Variants in EXT2 observed in about 807,000 individuals in gnomAD.
EXT2 encodes exostosin glycosyltransferase 2.
EXT2 carries 53 observed loss-of-function variants against 81.6 expected under a neutral mutation model. The observed-to-expected ratio is 0.65, with a 90% CI of 0.52 to 0.82. The LOEUF is 0.82. Ranked by LOEUF, EXT2 falls within the 40% of genes least tolerant of loss-of-function variation. The pLI is 0.00. For synonymous variants in EXT2, 320 were observed against 340.0 expected, an observed-to-expected ratio of 0.94 and a Z score of 0.65; for missense variants, 774 against 910.2, an observed-to-expected ratio of 0.85 and a Z score of 1.93.
chr11:44,145,188 C>G (rs1288284537), intron 7 of EXT2, among the ~76,000 whole-genome samples: 1 of 152,094 alleles, frequency 6.6e-6, no homozygotes, highest in Admixed American at 6.5e-5. Flanking sequence ...ATCCAGGGAG[C>G]TGTCGATATT....
At chr11:44,225,154 A>G (rs117256027) in intron 10 of EXT2, among the ~76,000 whole-genome samples, 193 of 152,256 alleles carry the variant, frequency 1.3e-3, no homozygotes, top group Admixed American at 2.0e-3. Context: ...TCCTCCTCCC[A>G]TCCCCTCAAA....
Position 44,229,391 on chromosome 11 carries a change from T to G in EXT2, c.1663-2962T>G, listed in dbSNP as rs188611993. Among the ~76,000 whole-genome samples the G allele has an allele frequency of 2.3e-3, 351 of 152,370 alleles. 1 individual carries two copies. Among genetic ancestry groups the G allele is most frequent in the African/African-American group, 8.1e-3 (336 of 41,588 alleles). Reference sequence around the variant, plus strand: ...TGGATTCATTTGTCTGCAGCTATTATGACGATGCCTGCGGTCGATTAGCTC... The same window carrying G: ...TGGATTCATTTGTCTGCAGCTATTAGGACGATGCCTGCGGTCGATTAGCTC... On this transcript the variant is annotated intron_variant, in intron 10 of 13. Coordinates refer to ENST00000533608, the MANE Select transcript of EXT2 (RefSeq NM_207122.2).
At chr11:44,214,298 T>C (rs1955690082) in intron 10 of EXT2, among the ~76,000 whole-genome samples, 1 of 152,062 alleles carries the variant, frequency 6.6e-6, no homozygotes, top group Non-Finnish European at 1.5e-5. Flanking sequence ...GTATTTTTAG[T>C]AGAGACGGGG....
chr11:44,203,470 C>A (rs1021137545), intron 9 of EXT2, among the ~76,000 whole-genome samples: 5 of 152,186 alleles, frequency 3.3e-5, no homozygotes, highest in African/African-American at 1.2e-4. Context: ...ACACAGAATT[C>A]AACAGAAATC....
intron 7 of EXT2, among the ~76,000 whole-genome samples, chr11:44,135,185 G>C (rs1210321964): frequency 1.3e-5 from 2 of 152,200 alleles, no homozygotes; most frequent in African/African-American, 2.4e-5. Context: ...ATACACCGAA[G>C]TTCCTGTACT....
At chr11:44,209,452 T>C (rs1955621995) in intron 10 of EXT2, among the ~76,000 whole-genome samples, 1 of 152,252 alleles carries the variant, frequency 6.6e-6, no homozygotes, top group African/African-American at 2.4e-5. Flanking sequence ...GTTTTCATTA[T>C]TCAGAAGGAA....
intron 7 of EXT2, among the ~76,000 whole-genome samples, chr11:44,154,243 C>T (rs918140089): frequency 1.3e-5 from 2 of 152,014 alleles, no homozygotes; most frequent in Non-Finnish European, 2.9e-5. Flanking sequence ...CTTATTTATT[C>T]TATCTAACTA....
chr11:44,202,581 T>A (rs140957768), intron 9 of EXT2, among the ~76,000 whole-genome samples: 57 of 152,334 alleles, frequency 3.7e-4, no homozygotes, highest in African/African-American at 1.3e-3. Flanking sequence ...CAGGGTGATG[T>A]ACCAGATCTC....
intron 5 of EXT2, 74 bp from the exon 6 acceptor site, chr11:44,126,742 G>T: frequency 6.2e-7 from 1 of 1,601,266 alleles, no homozygotes; most frequent in Non-Finnish European, 8.6e-7. Flanking sequence ...TAGAAACTTT[G>T]TGGTCTGTAG....
chr11:44,244,526 A>G lies in EXT2; in HGVS notation c.*239A>G, dbSNP rs1956075497. On this transcript the variant is annotated 3_prime_UTR_variant, in exon 14 of 14. Coordinates refer to ENST00000533608, the MANE Select transcript of EXT2 (RefSeq NM_207122.2). ...TATGATCTCTGATGGGTTCTTCTCG[A>G]AAATGCCAAGTGGAAGACTTTGTGG... is the stretch of plus-strand genomic sequence containing the variant. 1 of 523,554 alleles carries G rather than the reference A, an allele frequency of 1.9e-6. No individual in the cohort carries two copies. The highest frequency in any genetic ancestry group is 3.5e-6 in the Non-Finnish European group (1 of 288,810). The allele number at this position is 523,554 out of a possible 1,614,324, so 32.4% of individuals were successfully genotyped here.
At chr11:44,240,585 A>G (rs1320831641) in intron 13 of EXT2, among the ~76,000 whole-genome samples, 1 of 152,196 alleles carries the variant, frequency 6.6e-6, no homozygotes, top group Non-Finnish European at 1.5e-5. Context: ...AAATAATAAT[A>G]ATGTCATAGA....
chr11:44,225,870 C>G (rs949312856), intron 10 of EXT2, among the ~76,000 whole-genome samples: 6 of 152,180 alleles, frequency 3.9e-5, no homozygotes, highest in African/African-American at 1.4e-4. Flanking sequence ...GGTTGCAGAT[C>G]TCTGAGATAG....
intron 13 of EXT2, 69 bp downstream of exon 13, chr11:44,236,444 TG>T: frequency 7.0e-7 from 1 of 1,422,680 alleles, no homozygotes. Flanking sequence ...GGCCTGTTTA[TG>T]GGGCTTTGTT....
At chr11:44,165,631 G>A (rs1055704120) in intron 7 of EXT2, among the ~76,000 whole-genome samples, 8 of 151,892 alleles carry the variant, frequency 5.3e-5, no homozygotes, top group African/African-American at 1.9e-4. Context: ...AAAAGCTGCC[G>A]TCTCCACTGT....
intron 10 of EXT2, among the ~76,000 whole-genome samples, chr11:44,208,314 C>T (rs1955608107): frequency 6.6e-6 from 1 of 151,886 alleles, no homozygotes; most frequent in East Asian, 1.9e-4. Flanking sequence ...TTCAAAACGA[C>T]ATGACCAAGA....
At chr11:44,096,453 T>G (rs1953898942) in intron 1 of EXT2, 1 of 917,868 alleles carries the variant, frequency 1.1e-6, no homozygotes, top group Non-Finnish European at 1.6e-6. Context: ...CGGGGTCATG[T>G]TGGGCCAGGC....
intron 1 of EXT2, among the ~76,000 whole-genome samples, chr11:44,102,658 C>G (rs1954002769): frequency 6.6e-6 from 1 of 150,848 alleles, no homozygotes; most frequent in Non-Finnish European, 1.5e-5. Context: ...CTTCCTTCTG[C>G]TGAGGCCACT....
At position 44,108,129 on chromosome 11, in the gene EXT2, C is replaced by T. The variant is rs1299117403; in HGVS notation, c.417C>T (p.Asp139=). ...ATGAACTGCTCATGGCCATCTCAGA[C>T]AGTGACTACTACACTGATGACATCA... ...EYNELLMAIS[D]SDYYTDDINR... Residue 139 remains aspartate, a synonymous_variant, in exon 2 of 14, where the codon GAC becomes GAT. Transcript: ENST00000533608. The T allele has an allele frequency of 3.7e-6, 6 of 1,614,088 alleles. No individual in the cohort carries two copies. The highest frequency in any genetic ancestry group is 5.1e-6 in the Non-Finnish European group (6 of 1,180,048).
chr11:44,100,563 C>A (rs1017506932), intron 1 of EXT2, among the ~76,000 whole-genome samples: 1 of 152,082 alleles, frequency 6.6e-6, no homozygotes, highest in Non-Finnish European at 1.5e-5. Flanking sequence ...TGTTATTTTC[C>A]TTAGAAGCCT....
Sources: allele counts gnomAD v4.1 joint callset (sites outside exome capture counted in the v4.1 genomes callset), GRCh38; gene constraint gnomAD v4.1.1; transcripts MANE v1.5; gene names NCBI Gene and HGNC (gene_info 2026-07-23, HGNC 2026-07-21).